Variants in FRMPD3 observed in about 807,000 individuals in gnomAD.
FRMPD3 encodes the protein FERM and PDZ domain-containing protein 3.
In FRMPD3, 42 loss-of-function variants were observed where a neutral mutation model predicts 97.9. The observed-to-expected ratio is 0.43, with a 90% confidence interval of 0.34 to 0.55. FRMPD3 has a LOEUF of 0.55. Among genes scored for constraint, FRMPD3 ranks in the 20% least tolerant of loss-of-function variants. The pLI is 0.03. For synonymous variants in FRMPD3, 577 were observed against 581.1 expected, an observed-to-expected ratio of 0.99 and a Z score of 0.10; for missense variants, 1,303 against 1,457.7, an observed-to-expected ratio of 0.89 and a Z score of 1.73.
chrX:107,527,639 G>C (rs1307860105), intron 2 of FRMPD3, among the ~76,000 whole-genome samples: 2 of 112,633 alleles, frequency 1.8e-5, no homozygotes, highest in Admixed American at 9.4e-5. Context: ...TGACAAAAAA[G>C]ACAGACGGAA....
In FRMPD3 at chrX:107,557,664, CGTGTGT is replaced by C. The variant is rs760760257; in HGVS notation, c.763-2568_763-2563del. Among the ~76,000 whole-genome samples the C allele has an allele frequency of 3.1e-4, 27 of 87,151 alleles. No individual in the cohort carries two copies. The East Asian group carries it at 4.5e-3, about 15-fold the overall frequency. The allele number at this position is 87,151 out of a possible 115,157, so 75.7% of individuals were successfully genotyped here. A position where few individuals can be genotyped will look rare whatever the true frequency, so the allele number is the denominator to read the frequency against. ...TGGTGCAAGGTATCCATCAAAGTTT[CGTGTGT>C]GTGTGTGTGTGTGTGTGTGTGTGTT... On this transcript the variant is annotated intron_variant, in intron 8 of 14. Transcript: ENST00000683843.
intron 1 of FRMPD3, among the ~76,000 whole-genome samples, chrX:107,480,488 T>C (rs1223769490): frequency 9.0e-6 from 1 of 110,722 alleles, no homozygotes; most frequent in East Asian, 2.8e-4. Flanking sequence ...ATACCTCCTA[T>C]GGGCCATGGT....
intron 1 of FRMPD3, among the ~76,000 whole-genome samples, chrX:107,466,891 C>T (rs1931574635): frequency 9.0e-6 from 1 of 111,689 alleles, no homozygotes; most frequent in Non-Finnish European, 1.9e-5. Flanking sequence ...CTAACACCTC[C>T]CCTCACTGAC....
chrX:107,592,918 A>G (rs1164344784), intron 13 of FRMPD3, among the ~76,000 whole-genome samples: 1 of 106,096 alleles, frequency 9.4e-6, no homozygotes, highest in East Asian at 2.9e-4. Flanking sequence ...AGCTGGGATT[A>G]CGGGCATGCA....
intron 1 of FRMPD3, among the ~76,000 whole-genome samples, chrX:107,491,060 T>G (rs898311341): frequency 9.0e-6 from 1 of 111,642 alleles, no homozygotes; most frequent in African/African-American, 3.3e-5. Context: ...CACCTACTAT[T>G]GGGTAGTAGA....
At position 107,540,359 on chromosome X, in the gene FRMPD3, G is replaced by A. The variant is rs895318097; in HGVS notation, c.298-5378G>A. Among the ~76,000 whole-genome samples, 9 of 111,351 alleles carry A rather than the reference G, an allele frequency of 8.1e-5. No homozygotes were observed. The East Asian group carries it at 8.4e-4, about 10-fold the overall frequency. On this transcript the variant is annotated intron_variant, in intron 4 of 14. Coordinates refer to ENST00000683843, the MANE Select transcript of FRMPD3 (RefSeq NM_001388459.1). ...TCAAAGCTTCAAGAAGCTGAGTTTCGTTTTTTTTCAGTTACCAAAGCGGGG... is the reference window on the plus strand; with the variant it reads ...TCAAAGCTTCAAGAAGCTGAGTTTCATTTTTTTTCAGTTACCAAAGCGGGG...
In FRMPD3 at chrX:107,560,794, C is replaced by T. The variant is rs1292613677; in HGVS notation, c.967C>T (p.Arg323Trp). ...LLQVIKEKNL[R>W]KSLSQQLKAH... ...GCAGGTCATCAAAGAGAAGAACCTC[C>T]GGAAATCTCTCTCTCAGCAACTGAA... Residue 323 changes from arginine (R) to tryptophan (W), a missense_variant, in exon 10 of 15, where the codon CGG becomes TGG. Around this residue, in one of 3 missense-constraint regions of FRMPD3, gnomAD observed 535 missense variants for 618.6 expected, o/e 0.86. Coordinates refer to ENST00000683843, the MANE Select transcript of FRMPD3 (RefSeq NM_001388459.1). 5 of 1,185,476 alleles carry T rather than the reference C, an allele frequency of 4.2e-6. No individual in the cohort carries two copies. Among genetic ancestry groups the T allele is most frequent in the South Asian group, 3.7e-5 (2 of 53,540 alleles).
chrX:107,459,692 G>A (rs1931432368), intron 1 of FRMPD3, among the ~76,000 whole-genome samples: 2 of 112,625 alleles, frequency 1.8e-5, no homozygotes, highest in Admixed American at 1.9e-4. Context: ...TTGTAAAGAT[G>A]AATGAGTACA....
intron 8 of FRMPD3, 106 bp downstream of exon 8, chrX:107,554,610 G>C: frequency 9.6e-7 from 1 of 1,040,768 alleles, no homozygotes; most frequent in East Asian, 3.3e-5. Flanking sequence ...CAACCTCCAG[G>C]TAGCCCTGAA....
At position 107,601,263 on chromosome X, in the gene FRMPD3, A is replaced by G. The variant is rs1924491214; in HGVS notation, c.3224A>G (p.Lys1075Arg). 1 of 1,209,838 alleles carries G rather than the reference A, an allele frequency of 8.3e-7. No individual in the cohort carries two copies. Among genetic ancestry groups the G allele is most frequent in the African/African-American group, 1.7e-5 (1 of 57,847 alleles). ...LLRTSRESVG[K>R]QATGEVAGKG... ...CGAACAAGCCGAGAGTCAGTGGGCA[A>G]GCAAGCTACAGGGGAGGTGGCAGGC... Residue 1075 changes from lysine (K) to arginine (R), a missense_variant, in exon 15 of 15, where the codon AAG (lysine) becomes AGG (arginine). By Grantham distance (26) the Lys-to-Arg change is conservative (BLOSUM62 2). Around this residue, in one of 3 missense-constraint regions of FRMPD3, gnomAD observed 764 missense variants for 820.2 expected, o/e 0.93. Transcript: ENST00000683843.
At chrX:107,512,529 CT>C (rs1922193114) in intron 1 of FRMPD3, among the ~76,000 whole-genome samples, 1 of 111,510 alleles carries the variant, frequency 9.0e-6, no homozygotes, top group Non-Finnish European at 1.9e-5. Context: ...TTTTCATGGC[CT>C]CTCTTTTCCT....
Position 107,479,371 on chromosome X carries a change from C to A in FRMPD3, c.-8+29366C>A, listed in dbSNP as rs149396516. Among the ~76,000 whole-genome samples the A allele has an allele frequency of 3.3e-3, 373 of 111,927 alleles. 4 individuals carry two copies. The highest frequency in any genetic ancestry group is 0.012 in the African/African-American group (356 of 30,811). On this transcript the variant is annotated intron_variant, in intron 1 of 14. Coordinates refer to ENST00000683843, the MANE Select transcript of FRMPD3 (RefSeq NM_001388459.1). ...TTGAGCTGAAAAAAACTTTTAAGATCATCTAATAAGATTATTAATGCCTCA... is the reference window on the plus strand; with the variant it reads ...TTGAGCTGAAAAAAACTTTTAAGATAATCTAATAAGATTATTAATGCCTCA...
chrX:107,521,516 A>G (rs1922506071), intron 1 of FRMPD3, among the ~76,000 whole-genome samples: 1 of 112,898 alleles, frequency 8.9e-6, no homozygotes, highest in African/African-American at 3.2e-5. Context: ...TAGCCAAAAT[A>G]ACAAGCAAGT....
chrX:107,583,843 T>C (rs1923513069), intron 13 of FRMPD3, among the ~76,000 whole-genome samples: 1 of 110,409 alleles, frequency 9.1e-6, no homozygotes, highest in Non-Finnish European at 1.9e-5. Flanking sequence ...TGATCAATGA[T>C]GTTGAGCATT....
rs1269270932 is a variant in FRMPD3, at chrX:107,600,340, G to A, written c.2301G>A (p.Ser767=). 3.3e-6 allele frequency: 4 copies of A among 1,206,025 alleles called. No homozygotes were observed. Among genetic ancestry groups the A allele is most frequent in the South Asian group, 3.5e-5 (2 of 56,439 alleles). Residue 767 remains serine (S), a synonymous_variant, in exon 15 of 15, where the codon TCG becomes TCA. Coordinates refer to ENST00000683843, the MANE Select transcript of FRMPD3 (RefSeq NM_001388459.1). ...IVLATITPES[S]LDSGHETNSS... ...TGGCCACAATCACTCCTGAATCATCGCTGGACTCAGGTCATGAAACCAACT... is the reference window on the plus strand; with the variant it reads ...TGGCCACAATCACTCCTGAATCATCACTGGACTCAGGTCATGAAACCAACT...
In FRMPD3 at chrX:107,604,716, C is replaced by T. The variant is rs1372803326; in HGVS notation, c.*1343C>T. The T allele has an allele frequency of 9.1e-6, 1 of 110,440 alleles. No individual in the cohort carries two copies. The highest frequency in any genetic ancestry group is 3.3e-5 in the African/African-American group (1 of 30,267). The allele number at this position is 110,440 out of a possible 1,213,427, so 9.1% of individuals were successfully genotyped here. ...TTCTCGTCCGCCTCTCCATATCTCC[C>T]CATTTCCCACACCCTTGTGCCCTGT... On this transcript the variant is annotated 3_prime_UTR_variant, in exon 15 of 15. Coordinates refer to ENST00000683843, the MANE Select transcript of FRMPD3 (RefSeq NM_001388459.1).
chrX:107,584,806 T>TCTGTTTTGGTACCACTACCATG (rs1300469294), intron 13 of FRMPD3, among the ~76,000 whole-genome samples: 102 of 112,059 alleles, frequency 9.1e-4, no homozygotes, highest in African/African-American at 3.1e-3. Context: ...TGTCTATATG[T>TCTGTTTTGGTACCACTACCATG]CTGTTTTGGT....
chrX:107,456,889 C>A (rs1383082545), intron 1 of FRMPD3, among the ~76,000 whole-genome samples: 1 of 111,941 alleles, frequency 8.9e-6, no homozygotes, highest in African/African-American at 3.2e-5. Context: ...GCTCATTTTT[C>A]TTTTTTTCTC....
At chrX:107,548,235 G>A (rs953254130) in intron 5 of FRMPD3, among the ~76,000 whole-genome samples, 1 of 112,410 alleles carries the variant, frequency 8.9e-6, no homozygotes, top group Admixed American at 9.4e-5. Context: ...CTGTTGGTTT[G>A]CTTTGGTTTT....
Sources: allele counts gnomAD v4.1 joint callset (sites outside exome capture counted in the v4.1 genomes callset), GRCh38; gene constraint gnomAD v4.1.1; regional missense constraint gnomAD v4.1.1; transcripts MANE v1.5; gene names NCBI Gene and HGNC (gene_info 2026-07-23, HGNC 2026-07-21).